The following PTPRN2 variants were observed in gnomAD, a reference collection of about 807,000 sequenced individuals.
PTPRN2 encodes the protein protein tyrosine phosphatase receptor type N2.
Under a neutral mutation model 118.8 loss-of-function variants are expected in PTPRN2, and 74 were observed. The ratio of observed to expected loss-of-function variants is 0.62; its 90% CI spans 0.52 to 0.76. The LOEUF (loss-of-function observed/expected upper bound fraction) is 0.76. Ranked by LOEUF, PTPRN2 falls within the 30% of genes least tolerant of loss-of-function variation. The pLI is 0.00. For synonymous variants in PTPRN2, 641 were observed against 608.0 expected, an observed-to-expected ratio of 1.05 and a Z score of -0.80; for missense variants, 1,481 against 1,394.4, an observed-to-expected ratio of 1.06 and a Z score of -0.99.
intron 12 of PTPRN2, among the ~76,000 whole-genome samples, chr7:157,797,434 A>G (rs1031486692): frequency 2.6e-5 from 4 of 152,176 alleles, no homozygotes; most frequent in African/African-American, 9.7e-5. Context: ...CCTGCCTGGC[A>G]GGTTACACAA....
chr7:158,430,672 C>T (rs1285696159), intron 2 of PTPRN2, among the ~76,000 whole-genome samples: 1 of 152,264 alleles, frequency 6.6e-6, no homozygotes, highest in Non-Finnish European at 1.5e-5. Flanking sequence ...CACTCGGTGC[C>T]TTGTGGGGCC....
intron 12 of PTPRN2, among the ~76,000 whole-genome samples, chr7:157,738,313 G>C (rs1167845431): frequency 6.6e-6 from 1 of 152,174 alleles, no homozygotes; most frequent in African/African-American, 2.4e-5. Context: ...CGCCCCAGAG[G>C]GGAGGGAGGT....
At chr7:158,503,892 T>G (rs186388955) in intron 1 of PTPRN2, among the ~76,000 whole-genome samples, 18 of 151,942 alleles carry the variant, frequency 1.2e-4, no homozygotes, top group African/African-American at 4.1e-4. Flanking sequence ...TCCCAGCTAC[T>G]TGGGGGGCCA....
chr7:158,076,443 G>A (rs1812364776), intron 11 of PTPRN2, among the ~76,000 whole-genome samples: 1 of 152,192 alleles, frequency 6.6e-6, no homozygotes, highest in Non-Finnish European at 1.5e-5. Flanking sequence ...GCCGCTTGTG[G>A]ACCAATGCTG....
intron 11 of PTPRN2, among the ~76,000 whole-genome samples, chr7:158,076,035 C>G (rs868780703): frequency 6.6e-6 from 1 of 152,224 alleles, no homozygotes; most frequent in African/African-American, 2.4e-5. Flanking sequence ...CCTGGAAGAC[C>G]CTTGAGGAGA....
chr7:157,579,632 C>G (rs1800242964), intron 17 of PTPRN2, among the ~76,000 whole-genome samples: 1 of 152,226 alleles, frequency 6.6e-6, no homozygotes, highest in Non-Finnish European at 1.5e-5. Flanking sequence ...CCCGGACGGC[C>G]TGGAAGCCGC....
intron 4 of PTPRN2, among the ~76,000 whole-genome samples, chr7:158,194,575 G>C (rs1826061089): frequency 6.6e-6 from 1 of 152,238 alleles, no homozygotes; most frequent in Admixed American, 6.5e-5. Flanking sequence ...CCCACTGCCA[G>C]CACAAGACTC....
intron 12 of PTPRN2, among the ~76,000 whole-genome samples, chr7:157,848,663 A>G (rs1215787840): frequency 5.9e-5 from 9 of 152,228 alleles, no homozygotes; most frequent in Non-Finnish European, 7.3e-5. Context: ...GCCCCACCTG[A>G]CAGAAATGAC....
At chr7:158,154,269 T>A (rs1219520971) in intron 6 of PTPRN2, among the ~76,000 whole-genome samples, 1 of 152,224 alleles carries the variant, frequency 6.6e-6, no homozygotes, top group Non-Finnish European at 1.5e-5. Context: ...CAGTTGGGAC[T>A]CGGGGAAACC....
intron 2 of PTPRN2, among the ~76,000 whole-genome samples, chr7:158,397,076 T>C (rs934990519): frequency 8.5e-5 from 13 of 152,268 alleles, no homozygotes; most frequent in African/African-American, 2.9e-4. Context: ...TAATTTGCTC[T>C]TTTAATTATT....
chr7:158,006,671 C>A (rs1385913686), intron 11 of PTPRN2, among the ~76,000 whole-genome samples: 2 of 152,226 alleles, frequency 1.3e-5, no homozygotes, highest in African/African-American at 4.8e-5. Context: ...GGCTTGGGAG[C>A]CACCTGGTGT....
At chr7:157,559,117 G>A (rs552990597) in intron 21 of PTPRN2, among the ~76,000 whole-genome samples, 1 of 152,352 alleles carries the variant, frequency 6.6e-6, no homozygotes, top group South Asian at 2.1e-4. Flanking sequence ...CTGATTCCAC[G>A]GGACAGCGTG....
At chr7:158,395,314 AG>A (rs1563239823) in intron 2 of PTPRN2, among the ~76,000 whole-genome samples, 2 of 61,972 alleles carry the variant, frequency 3.2e-5, no homozygotes, top group African/African-American at 1.3e-4. Flanking sequence ...GCGAGGGGTG[AG>A]GGGCGAGGGG....
rs780359375 is a variant in PTPRN2 at position 157,831,388 on chromosome 7, T to C, written c.1788+67285A>G. Among the ~76,000 whole-genome samples, 13 of 152,216 alleles carry C rather than the reference T, an allele frequency of 8.5e-5. No homozygotes were observed. Among genetic ancestry groups the C allele is most frequent in the Non-Finnish European group, 1.6e-4 (11 of 68,022 alleles). ...TCTCGTTGGGGTTTTCTGTTATTTCTTCCCGAAGCATCTTAACTGATGCGG... is the reference window on the plus strand; with the variant it reads ...TCTCGTTGGGGTTTTCTGTTATTTCCTCCCGAAGCATCTTAACTGATGCGG... On this transcript the variant is annotated intron_variant, in intron 12 of 22. Transcript: ENST00000389418. The surrounding 1 kb of genome is among the most constrained non-coding windows in gnomAD (Gnocchi z 4.8).
At chr7:158,150,926 C>A (rs1480343158) in intron 6 of PTPRN2, among the ~76,000 whole-genome samples, 1 of 152,030 alleles carries the variant, frequency 6.6e-6, no homozygotes, top group Non-Finnish European at 1.5e-5. Context: ...CCACACAACA[C>A]CGAGAAGCTG....
chr7:158,234,239 A>T lies in PTPRN2; in HGVS notation c.278-28966T>A, dbSNP rs1210453217. ...TCCATCTGACAAGGGATTAATAACC[A>T]GAATATATAAAGAGCTCAAAACACT... On this transcript the variant is annotated intron_variant, in intron 3 of 22. Coordinates refer to ENST00000389418, the MANE Select transcript of PTPRN2 (RefSeq NM_002847.5). 2.6e-5 allele frequency among the ~76,000 whole-genome samples: 4 copies of T among 152,084 alleles called. No individual in the cohort carries two copies. In the East Asian group the frequency reaches 7.7e-4, roughly 29 times the overall value.
intron 17 of PTPRN2, among the ~76,000 whole-genome samples, chr7:157,594,997 G>C (rs1801208745): frequency 6.6e-6 from 1 of 152,198 alleles, no homozygotes; most frequent in African/African-American, 2.4e-5. Flanking sequence ...ATGTAAAGTG[G>C]CTTAAAAGTA....
chr7:158,121,960 C>T (rs1486649464), intron 9 of PTPRN2, among the ~76,000 whole-genome samples: 1 of 152,206 alleles, frequency 6.6e-6, no homozygotes, highest in Non-Finnish European at 1.5e-5. Flanking sequence ...ATTCCTATTT[C>T]ATCTCTAAAG....
rs781469499 is a variant in PTPRN2, at chr7:157,903,500, G to A, written c.1724-4763C>T. On this transcript the variant is annotated intron_variant, in intron 11 of 22. Coordinates refer to ENST00000389418, the MANE Select transcript of PTPRN2 (RefSeq NM_002847.5). The surrounding 1 kb of genome is among the most constrained non-coding windows in gnomAD (Gnocchi z 4.2). ...AGCTGAAAATTAAAAATACGGATAAGTGAACAGATGTGCCACCGACAACCC... is the reference window on the plus strand; with the variant it reads ...AGCTGAAAATTAAAAATACGGATAAATGAACAGATGTGCCACCGACAACCC... Among the ~76,000 whole-genome samples the A allele has an allele frequency of 6.6e-6, 1 of 152,094 alleles. No homozygotes were observed. The highest frequency in any genetic ancestry group is 1.5e-5 in the Non-Finnish European group (1 of 68,022).
Sources: gnomAD v4.1 joint callset for allele counts (sites outside exome capture counted in the v4.1 genomes callset) on GRCh38, gnomAD v4.1.1 for gene constraint, Gnocchi (gnomAD v3.1) non-coding constraint, MANE v1.5 for transcripts, NCBI Gene and HGNC (gene_info 2026-07-23, HGNC 2026-07-21) for gene names.